CFAP141: variants seen among roughly 807,000 people sequenced by gnomAD.
The protein encoded by CFAP141 is cilia- and flagella-associated protein 141.
At chr1:154,202,229 T>G in the CFAP141 span, among the ~76,000 whole-genome samples, 8 of 151,956 alleles carry the variant, frequency 5.3e-5, no homozygotes, top group Non-Finnish European at 1.2e-4. Context: ...TAAGCCACCA[T>G]GCCTGGCTGC....
the CFAP141 span, among the ~76,000 whole-genome samples, chr1:154,203,196 TA>T: frequency 3.0e-5 from 1 of 33,030 alleles, no homozygotes; most frequent in South Asian, 8.8e-4. Context: ...TATATATATA[TA>T]TATATATATA....
chr1:154,201,795 T>C, the CFAP141 span, among the ~76,000 whole-genome samples: 4 of 151,140 alleles, frequency 2.6e-5, no homozygotes, highest in East Asian at 2.0e-4. Context: ...TTTTGAGAAA[T>C]AGTCTCGCTC....
chr1:154,204,577 A>G, the CFAP141 span, among the ~76,000 whole-genome samples: 1 of 148,028 alleles, frequency 6.8e-6, no homozygotes. Context: ...CAATGTGCCC[A>G]GCTCATTTTG....
At chr1:154,201,390 CTTT>C in the CFAP141 span, among the ~76,000 whole-genome samples, 1 of 135,294 alleles carries the variant, frequency 7.4e-6, no homozygotes. Context: ...TCAAATCCAG[CTTT>C]TTTTTTTTTT....
chr1:154,205,651 G>A, the CFAP141 span: 1 of 1,613,538 alleles, frequency 6.2e-7, no homozygotes, highest in South Asian at 1.1e-5. Context: ...GCAAGAAAAG[G>A]TAGTTCTGTT....
At chr1:154,200,671 T>C in the CFAP141 span, 1 of 1,408,124 alleles carries the variant, frequency 7.1e-7, no homozygotes, top group Non-Finnish European at 9.7e-7. Flanking sequence ...TGAGGCTGTT[T>C]CTTTTTTCTT....
chr1:154,199,391 C>T, the CFAP141 span: 2 of 1,396,442 alleles, frequency 1.4e-6, no homozygotes, highest in Non-Finnish European at 2.0e-6. Context: ...GGTTAGCAGG[C>T]ATGTTGAGAA....
the CFAP141 span, chr1:154,200,673 TTTTTTC>T: frequency 2.8e-6 from 4 of 1,410,016 alleles, no homozygotes; most frequent in Non-Finnish European, 3.9e-6. Context: ...AGGCTGTTTC[TTTTTTC>T]TTTTTCTTTT....
the CFAP141 span, among the ~76,000 whole-genome samples, chr1:154,203,115 T>C: frequency 7.3e-6 from 1 of 136,884 alleles, no homozygotes; most frequent in Non-Finnish European, 1.6e-5. Flanking sequence ...AGTAAGACTC[T>C]GTCTTAGAGA....
At chr1:154,202,359 A>C in the CFAP141 span, among the ~76,000 whole-genome samples, 333 of 152,116 alleles carry the variant, frequency 2.2e-3, 5 homozygotes, top group African/African-American at 7.6e-3. Flanking sequence ...TACAGGAGTG[A>C]GCCACCATGC....
chr1:154,203,752 AACTGGGAAGT>A, the CFAP141 span, among the ~76,000 whole-genome samples: 1 of 152,088 alleles, frequency 6.6e-6, no homozygotes, highest in Admixed American at 6.6e-5. Flanking sequence ...TTCTATCATA[AACTGGGAAGT>A]ACATCTTCTT....
the CFAP141 span, among the ~76,000 whole-genome samples, chr1:154,205,085 T>G: frequency 1.3e-5 from 2 of 151,952 alleles, no homozygotes; most frequent in African/African-American, 2.4e-5. Context: ...GGTTTCACCA[T>G]GTTGCCTAGG....
At chr1:154,204,898 G>C in the CFAP141 span, among the ~76,000 whole-genome samples, 3 of 148,838 alleles carry the variant, frequency 2.0e-5, no homozygotes, top group Non-Finnish European at 4.5e-5. Context: ...TGTAGAGACG[G>C]AGTCTTGCTC....
chr1:154,202,932 C>A, the CFAP141 span, among the ~76,000 whole-genome samples: 1 of 151,460 alleles, frequency 6.6e-6, no homozygotes, highest in Non-Finnish European at 1.5e-5. Context: ...ACCAGTCTGG[C>A]CAACATGGTG....
the CFAP141 span, chr1:154,200,696 T>C: frequency 7.7e-7 from 1 of 1,291,184 alleles, no homozygotes; most frequent in African/African-American, 1.5e-5. Context: ...TTTTCTTTTT[T>C]TTTGAGACAG....
chr1:154,202,367 T>C, the CFAP141 span, among the ~76,000 whole-genome samples: 1 of 152,062 alleles, frequency 6.6e-6, no homozygotes, highest in Non-Finnish European at 1.5e-5. Flanking sequence ...TGAGCCACCA[T>C]GCCAGGCCAG....
the CFAP141 span, among the ~76,000 whole-genome samples, chr1:154,203,012 C>T: frequency 3.4e-5 from 5 of 147,070 alleles, no homozygotes; most frequent in Non-Finnish European, 6.0e-5. Context: ...TCCCAGCTCC[C>T]CAGGAGGCTG....
chr1:154,200,607 T>G, the CFAP141 span: 36 of 1,613,340 alleles, frequency 2.2e-5, no homozygotes, highest in Non-Finnish European at 3.0e-5. Flanking sequence ...GGTACAGAGG[T>G]GGGGGTTGAA....
the CFAP141 span, chr1:154,205,776 C>G: frequency 4.2e-6 from 3 of 720,482 alleles, no homozygotes; most frequent in Admixed American, 7.4e-5. Context: ...GTGATCTCGG[C>G]TCACCGCAAT....
Sources: gnomAD v4.1 joint callset for allele counts (sites outside exome capture counted in the v4.1 genomes callset) on GRCh38, gnomAD v4.1.1 for gene constraint, MANE v1.5 for transcripts, NCBI Gene and HGNC (gene_info 2026-07-23, HGNC 2026-07-21) for gene names.